The following GNAL variants were observed in gnomAD, a reference collection of about 807,000 sequenced individuals.
GNAL encodes G protein subunit alpha L, also known as guanine nucleotide-binding protein G(olf) subunit alpha.
In GNAL, 18 loss-of-function variants were observed where a neutral mutation model predicts 55.1. That is an observed-to-expected ratio of 0.33 (90% CI 0.23 to 0.48). The LOEUF is 0.48. Among genes scored for constraint, GNAL ranks in the 20% least tolerant of loss-of-function variants. The pLI, the probability that GNAL is intolerant of heterozygous loss-of-function variation, is 0.99. For missense variants in GNAL, 412 were observed against 614.1 expected, an observed-to-expected ratio of 0.67 and a Z score of 3.48; for synonymous variants, 253 against 237.0, an observed-to-expected ratio of 1.07 and a Z score of -0.62.
chr18:11,719,115 A>G (rs916882886), intron 1 of GNAL, among the ~76,000 whole-genome samples: 2 of 152,152 alleles, frequency 1.3e-5, no homozygotes, highest in Non-Finnish European at 2.9e-5. Flanking sequence ...AGGACCTCAT[A>G]TGTGTACTAT....
chr18:11,824,183 A>T (rs1614379), intron 4 of GNAL, among the ~76,000 whole-genome samples: 101,767 of 151,028 alleles, frequency 0.67, 36,652 homozygotes, highest in Admixed American at 0.81. Flanking sequence ...CCTAATCATA[A>T]CTCACATAGA....
At chr18:11,793,694 G>A (rs771277365) in intron 4 of GNAL, among the ~76,000 whole-genome samples, 32 of 152,064 alleles carry the variant, frequency 2.1e-4, no homozygotes, top group Middle Eastern at 3.4e-3. Flanking sequence ...GGGAGGCTGA[G>A]TCAGGCAGAT....
Position 11,822,310 on chromosome 18 carries a change from G to C in GNAL, c.625-2608G>C, listed in dbSNP as rs545243368. On this transcript the variant is annotated intron_variant, in intron 4 of 11. Transcript: ENST00000334049. Reference sequence around the variant, plus strand: ...CCGCCAAATCTCAAAACAAACAAACGAACAAACAAATTAGCTGGATATTGT... The same window carrying C: ...CCGCCAAATCTCAAAACAAACAAACCAACAAACAAATTAGCTGGATATTGT... Among the ~76,000 whole-genome samples, 3 of 152,150 alleles carry C rather than the reference G, an allele frequency of 2.0e-5. No individual in the cohort carries two copies. In the South Asian group the frequency reaches 6.2e-4, roughly 32 times the overall value.
chr18:11,803,375 A>C (rs969188607), intron 4 of GNAL, among the ~76,000 whole-genome samples: 7 of 152,222 alleles, frequency 4.6e-5, no homozygotes, highest in African/African-American at 1.7e-4. Flanking sequence ...AGCTTTATCA[A>C]TGTTGTAGCA....
At chr18:11,707,733 T>C (rs1009242113) in intron 1 of GNAL, among the ~76,000 whole-genome samples, 6 of 152,262 alleles carry the variant, frequency 3.9e-5, no homozygotes, top group African/African-American at 1.2e-4. Context: ...CACAGAAGGC[T>C]GTTCCACCTC....
chr18:11,713,870 C>T (rs1375553089), intron 1 of GNAL, among the ~76,000 whole-genome samples: 2 of 152,178 alleles, frequency 1.3e-5, no homozygotes, highest in Non-Finnish European at 2.9e-5. Context: ...GACCCATGCA[C>T]AAAGCATGGT....
At chr18:11,765,795 T>A (rs530389304) in intron 4 of GNAL, among the ~76,000 whole-genome samples, 5 of 152,328 alleles carry the variant, frequency 3.3e-5, no homozygotes, top group East Asian at 1.9e-4. Flanking sequence ...CCATTTTTTT[T>A]ATTATTATTT....
At chr18:11,808,042 A>G (rs1260258591) in intron 4 of GNAL, among the ~76,000 whole-genome samples, 1 of 147,640 alleles carries the variant, frequency 6.8e-6, no homozygotes, top group East Asian at 2.0e-4. Context: ...TTTTTTTTTT[A>G]AAGACTTTGT....
intron 1 of GNAL, among the ~76,000 whole-genome samples, chr18:11,695,694 G>C (rs968050482): frequency 6.6e-6 from 1 of 152,110 alleles, no homozygotes; most frequent in Admixed American, 6.6e-5. Flanking sequence ...TAAATCCTCA[G>C]CTGTAGATAG....
chr18:11,762,988 TTTA>T (rs1242178697), intron 4 of GNAL, among the ~76,000 whole-genome samples: 3 of 152,216 alleles, frequency 2.0e-5, no homozygotes, highest in African/African-American at 4.8e-5. Context: ...AAAAGGAATT[TTTA>T]TTATTATAGT....
chr18:11,809,150 A>G (rs939094359), intron 4 of GNAL, among the ~76,000 whole-genome samples: 5 of 152,080 alleles, frequency 3.3e-5, no homozygotes, highest in Non-Finnish European at 7.4e-5. Flanking sequence ...TCCAGCTGCT[A>G]AGGAGTCTGA....
intron 1 of GNAL, among the ~76,000 whole-genome samples, chr18:11,741,516 A>G (rs1335699214): frequency 6.6e-6 from 1 of 152,250 alleles, no homozygotes; most frequent in African/African-American, 2.4e-5. Flanking sequence ...ACTTGACTGC[A>G]GGTCCATCCC....
chr18:11,698,273 A>G (rs1598399854), intron 1 of GNAL, among the ~76,000 whole-genome samples: 1 of 152,010 alleles, frequency 6.6e-6, no homozygotes, highest in Non-Finnish European at 1.5e-5. Context: ...CGGGTGGATC[A>G]TGAGGTCAAG....
chr18:11,713,598 T>C (rs539593137), intron 1 of GNAL, among the ~76,000 whole-genome samples: 3 of 152,310 alleles, frequency 2.0e-5, no homozygotes, highest in South Asian at 2.1e-4. Flanking sequence ...AGACTATATA[T>C]ATTTTTATAT....
intron 4 of GNAL, among the ~76,000 whole-genome samples, chr18:11,802,892 C>T (rs1439265539): frequency 1.3e-5 from 2 of 152,026 alleles, no homozygotes; most frequent in South Asian, 2.1e-4. Context: ...GAGGCAGGCT[C>T]TCGAGTTCGA....
chr18:11,727,044 C>A (rs369010896), intron 1 of GNAL, among the ~76,000 whole-genome samples: 1 of 152,000 alleles, frequency 6.6e-6, no homozygotes, highest in Non-Finnish European at 1.5e-5. Context: ...CCTCTGTGTG[C>A]GTCCTCCACA....
intron 5 of GNAL, among the ~76,000 whole-genome samples, chr18:11,838,840 A>G (rs2035552028): frequency 1.3e-5 from 2 of 152,226 alleles, no homozygotes; most frequent in South Asian, 4.1e-4. Flanking sequence ...TACTGATTCA[A>G]AATACAGTAC....
chr18:11,822,357 C>G (rs1005326274), intron 4 of GNAL, among the ~76,000 whole-genome samples: 1 of 152,244 alleles, frequency 6.6e-6, no homozygotes, highest in Non-Finnish European at 1.5e-5. Flanking sequence ...GTCGTCCCCG[C>G]TGCTCGGGAG....
intron 1 of GNAL, among the ~76,000 whole-genome samples, chr18:11,696,652 G>A (rs28620345): frequency 0.28 from 42,986 of 152,048 alleles, 10,654 homozygotes; most frequent in African/African-American, 0.67. Flanking sequence ...GGAAACTGCC[G>A]TTGTTTACAT....
Sources: allele counts gnomAD v4.1 joint callset (sites outside exome capture counted in the v4.1 genomes callset), GRCh38; gene constraint gnomAD v4.1.1; transcripts MANE v1.5; gene names NCBI Gene and HGNC (gene_info 2026-07-23, HGNC 2026-07-21).